Variants in LRIG2 observed in about 807,000 individuals in gnomAD.
The protein encoded by LRIG2 is leucine rich repeats and immunoglobulin like domains 2.
In LRIG2, 93 loss-of-function variants were observed where a neutral mutation model predicts 107.8. The observed-to-expected ratio is 0.86, with a 90% confidence interval of 0.73 to 1.03. LRIG2 has a LOEUF of 1.03. Among genes scored for constraint, LRIG2 ranks in the 50% least tolerant of loss-of-function variants. LRIG2 has a pLI of 0.00. For missense variants in LRIG2, 1,226 were observed against 1,296.0 expected, an observed-to-expected ratio of 0.95 and a Z score of 0.83; for synonymous variants, 471 against 470.6, an observed-to-expected ratio of 1.00 and a Z score of -0.01.
At position 113,119,220 on chromosome 1, in the gene LRIG2, T is replaced by G; in HGVS notation, c.2681-13T>G. On this transcript the variant is annotated splice_polypyrimidine_tract_variant and intron_variant, in intron 16 of 17. Transcript: ENST00000361127. ...TAACAGAAAGATATTTAGATTCTTT[T>G]TCTTGTTATTAGGTGGCACTGGTAC... The G allele has an allele frequency of 6.3e-7, 1 of 1,594,786 alleles. No homozygotes were observed. Among genetic ancestry groups the G allele is most frequent in the Non-Finnish European group, 8.6e-7 (1 of 1,168,854 alleles).
At chr1:113,084,006 A>AATG (rs1242343877) in intron 1 of LRIG2, among the ~76,000 whole-genome samples, 1 of 110,092 alleles carries the variant, frequency 9.1e-6, no homozygotes, top group Non-Finnish European at 2.0e-5. Context: ...GTATAATAAT[A>AATG]ATAATAATAA....
At chr1:113,122,385 C>T (rs1307673566) in intron 17 of LRIG2, among the ~76,000 whole-genome samples, 2 of 152,144 alleles carry the variant, frequency 1.3e-5, no homozygotes, top group Non-Finnish European at 2.9e-5. Flanking sequence ...CTGCACCCAG[C>T]CTCTATTGTT....
rs899311424 is a variant in LRIG2, at chr1:113,114,733, T to C, written c.2387T>C (p.Ile796Thr). The change falls in exon 15 of 18, where the codon ATT (isoleucine) becomes ACT (threonine). Residue 796 changes from isoleucine (I) to threonine (T), a missense_variant. By Grantham distance (89) the Ile-to-Thr change is moderately conservative. This residue lies in a region of LRIG2 where 642 missense variants were observed against 712.2 expected (regional missense o/e 0.90). Coordinates refer to ENST00000361127, the MANE Select transcript of LRIG2 (RefSeq NM_014813.3). ...SPNCDSSQSS[I>T]GHEDDGWTTV... ...AATTGTGACTCTTCCCAGAGTAGCA[T>C]TGGGCATGAAGATGATGGCTGGACC... The C allele has an allele frequency of 1.3e-5, 21 of 1,614,166 alleles. No individual in the cohort carries two copies. Among genetic ancestry groups the C allele is most frequent in the Non-Finnish European group, 1.7e-5 (20 of 1,180,022 alleles).
chr1:113,098,578 T>A, intron 8 of LRIG2, 127 bp from the exon 9 acceptor site: 2 of 635,186 alleles, frequency 3.1e-6, no homozygotes, highest in East Asian at 5.1e-5. Flanking sequence ...GCCTTCATCA[T>A]AAATAACTGT....
chr1:113,085,454 T>C (rs964157186), intron 1 of LRIG2, among the ~76,000 whole-genome samples: 3 of 152,186 alleles, frequency 2.0e-5, no homozygotes, highest in Non-Finnish European at 2.9e-5. Context: ...CTGGCTAATT[T>C]TGTATTTTTA....
intron 17 of LRIG2, among the ~76,000 whole-genome samples, chr1:113,121,393 A>G (rs949882400): frequency 1.6e-4 from 25 of 152,282 alleles, no homozygotes; most frequent in African/African-American, 6.0e-4. Context: ...TGTCCATCCA[A>G]GCTTTTCATC....
Position 113,098,804 on chromosome 1 carries a change from A to C in LRIG2, c.1172+19A>C. ...CTAAACTGTATGTATTATAATATTTATGTATGTCTACATAGGCATGTTTTC... is the reference window on the plus strand; with the variant it reads ...CTAAACTGTATGTATTATAATATTTCTGTATGTCTACATAGGCATGTTTTC... On this transcript the variant is annotated intron_variant, in intron 9 of 17. Transcript: ENST00000361127. 1 of 1,439,430 alleles carries C rather than the reference A, an allele frequency of 6.9e-7. No individual in the cohort carries two copies. The highest frequency in any genetic ancestry group is 9.8e-7 in the Non-Finnish European group (1 of 1,021,984). 89.2% of individuals were successfully genotyped at this position (1,439,430 alleles called of 1,614,324 possible).
Position 113,114,424 on chromosome 1 carries a change from TA to T in LRIG2, c.2081-2del. Reference sequence around the variant, plus strand: ...TTTTTTTTTTTTAATGTTTTCCTGTTAGAGACACCCTCATTTATTAGACCCC... The same window carrying T: ...TTTTTTTTTTTTAATGTTTTCCTGTTGAGACACCCTCATTTATTAGACCCC... On this transcript the variant is annotated splice_acceptor_variant, in intron 14 of 17. Transcript: ENST00000361127. LOFTEE classifies it high-confidence loss of function. The T allele has an allele frequency of 1.3e-6, 2 of 1,557,160 alleles. No homozygotes were observed. The highest frequency in any genetic ancestry group is 1.7e-6 in the Non-Finnish European group (2 of 1,152,432).
chr1:113,075,764 C>T (rs572927641), intron 1 of LRIG2, among the ~76,000 whole-genome samples: 5 of 143,306 alleles, frequency 3.5e-5, no homozygotes, highest in East Asian at 2.1e-4. Flanking sequence ...GGTGTGACCT[C>T]GGCTCCCTGC....
chr1:113,123,840 A>G, intron 17 of LRIG2, 35 bp from the exon 18 acceptor site: 2 of 1,566,474 alleles, frequency 1.3e-6, no homozygotes, highest in Non-Finnish European at 1.8e-6. Flanking sequence ...AAGTTTTACC[A>G]GTCACTACTG....
At position 113,131,930 on chromosome 1, in the gene LRIG2, T is replaced by C. The variant is rs2101084544; in HGVS notation, c.*7829T>C. ...AGTAAAGTGATCTACAAACTGTAAC[T>C]ATCTTGAAAGAGAAATTGATCATCA... is the stretch of plus-strand genomic sequence containing the variant. On this transcript the variant is annotated 3_prime_UTR_variant, in exon 18 of 18. Transcript: ENST00000361127. 3 of 152,190 alleles carry C rather than the reference T, an allele frequency of 2.0e-5. No individual in the cohort carries two copies. The South Asian group carries it at 6.2e-4, about 32-fold the overall frequency. The allele number at this position is 152,190 out of a possible 1,614,324, so 9.4% of individuals were successfully genotyped here.
intron 1 of LRIG2, among the ~76,000 whole-genome samples, chr1:113,083,747 C>G (rs1364067958): frequency 6.6e-6 from 1 of 151,114 alleles, no homozygotes; most frequent in African/African-American, 2.4e-5. Context: ...GTAACGTTCT[C>G]AGCCCCACCT....
Position 113,112,743 on chromosome 1 carries a change from C to T in LRIG2, c.2063C>T (p.Ala688Val). The change falls in exon 14 of 18, where the codon GCT (alanine) becomes GTT (valine). Residue 688 changes from alanine to valine, a missense_variant. By Grantham distance (64) the Ala-to-Val change is moderately conservative (BLOSUM62 0). Around this residue, in one of 3 missense-constraint regions of LRIG2, gnomAD observed 642 missense variants for 712.2 expected, o/e 0.90. Transcript: ENST00000361127. ...QNTAGGLSAN[A>V]SLTVLETPSF... is the part of the protein sequence containing the mutation. ...ACAGCAGGAGGTCTCTCAGCAAATG[C>T]TTCCCTAACAGTGTTAGGTACGTTT... The T allele has an allele frequency of 6.2e-7, 1 of 1,605,432 alleles. No homozygotes were observed. Among genetic ancestry groups the T allele is most frequent in the Non-Finnish European group, 8.5e-7 (1 of 1,172,590 alleles).
Position 113,114,824 on chromosome 1 carries a change from T to G in LRIG2, c.2478T>G (p.Ile826Met). ...CVVGTSLIWV[I>M]VIYHMRRKNE... ...TTGGCACTTCTTTGATCTGGGTCATTGTTATTTACCACATGAGAAGGAAAA... is the reference window on the plus strand; with the variant it reads ...TTGGCACTTCTTTGATCTGGGTCATGGTTATTTACCACATGAGAAGGAAAA... The change falls in exon 15 of 18, where the codon ATT (isoleucine) becomes ATG (methionine). Residue 826 changes from isoleucine (I) to methionine (M), a missense_variant. Physicochemically the swap from Ile to Met is conservative, Grantham distance 10 (BLOSUM62 1). Around this residue, in one of 3 missense-constraint regions of LRIG2, gnomAD observed 642 missense variants for 712.2 expected, o/e 0.90. Transcript: ENST00000361127. 6.2e-7 allele frequency: 1 copy of G among 1,613,926 alleles called. No individual in the cohort carries two copies. Among genetic ancestry groups the G allele is most frequent in the South Asian group, 1.1e-5 (1 of 91,082 alleles).
chr1:113,125,755 AT>A lies in LRIG2; in HGVS notation c.*1657del, dbSNP rs768767771. On this transcript the variant is annotated 3_prime_UTR_variant, in exon 18 of 18. Coordinates refer to ENST00000361127, the MANE Select transcript of LRIG2 (RefSeq NM_014813.3). ...GATACAAATCACTATCACTGTCCATATTTGAGTCTGCAAATCTTGTCATTGT... is the reference window on the plus strand; with the variant it reads ...GATACAAATCACTATCACTGTCCATATTGAGTCTGCAAATCTTGTCATTGT... 1.3e-5 allele frequency: 2 copies of A among 152,180 alleles called. No homozygotes were observed. The highest frequency in any genetic ancestry group is 2.4e-5 in the African/African-American group (1 of 41,440). 9.4% of individuals were successfully genotyped at this position (152,180 alleles called of 1,614,324 possible). A position where few individuals can be genotyped will look rare whatever the true frequency, so the allele number is the denominator to read the frequency against.
intron 1 of LRIG2, among the ~76,000 whole-genome samples, chr1:113,074,257 TC>T (rs1353593574): frequency 2.6e-5 from 4 of 152,182 alleles, no homozygotes; most frequent in African/African-American, 9.6e-5. Flanking sequence ...AATTTAAACT[TC>T]ACTGTAAAGA....
rs1425979976 is a variant in LRIG2 at position 113,130,830 on chromosome 1, G to C, written c.*6729G>C. 1 of 152,146 alleles carries C rather than the reference G, an allele frequency of 6.6e-6. No individual in the cohort carries two copies. Among genetic ancestry groups the C allele is most frequent in the Non-Finnish European group, 1.5e-5 (1 of 68,030 alleles). 9.4% of individuals were successfully genotyped at this position (152,146 alleles called of 1,614,324 possible). ...GGGAACATGAAACACAAAATTCTGG[G>C]TTTAATCTTCTGAAGAAATCTATAA... On this transcript the variant is annotated 3_prime_UTR_variant, in exon 18 of 18. Transcript: ENST00000361127.
chr1:113,082,082 G>A (rs1400634281), intron 1 of LRIG2, among the ~76,000 whole-genome samples: 1 of 152,130 alleles, frequency 6.6e-6, no homozygotes, highest in Non-Finnish European at 1.5e-5. Flanking sequence ...CTTTGCCCCT[G>A]GCTTGCATGA....
intron 1 of LRIG2, among the ~76,000 whole-genome samples, chr1:113,085,968 A>G (rs1272982818): frequency 1.3e-5 from 2 of 150,746 alleles, no homozygotes; most frequent in African/African-American, 2.4e-5. Flanking sequence ...TTAAATCACA[A>G]TATGGTAATT....
Sources: allele counts gnomAD v4.1 joint callset (sites outside exome capture counted in the v4.1 genomes callset), GRCh38; gene constraint gnomAD v4.1.1; regional missense constraint gnomAD v4.1.1; transcripts MANE v1.5; gene names NCBI Gene and HGNC (gene_info 2026-07-23, HGNC 2026-07-21).